RSAD1: variants seen among roughly 807,000 people sequenced by gnomAD.
The protein encoded by RSAD1 is radical S-adenosyl methionine domain containing 1.
In RSAD1, 34 loss-of-function variants were observed where a neutral mutation model predicts 46.2. The observed-to-expected ratio is 0.74, with a 90% confidence interval of 0.56 to 0.98. RSAD1 has a LOEUF of 0.98. Among genes scored for constraint, RSAD1 ranks in the 50% least tolerant of loss-of-function variants. RSAD1 has a pLI of 0.00. For synonymous variants in RSAD1, 260 were observed against 253.5 expected (o/e 1.03, Z -0.24); for missense variants, 635 against 592.3 (o/e 1.07, Z -0.75).
At position 50,485,359 on chromosome 17, in the gene RSAD1, C is replaced by T. The variant is rs2143840045; in HGVS notation, c.*498C>T. On this transcript the variant is annotated 3_prime_UTR_variant, in exon 9 of 9. Coordinates refer to ENST00000258955, the MANE Select transcript of RSAD1 (RefSeq NM_018346.3). ...TAGAGAAGTGAACATTGGAGAAAGC[C>T]AGTAGCAACTGTGAGAAATCAGCAA... The T allele has an allele frequency of 6.5e-6, 1 of 153,222 alleles. No individual in the cohort carries two copies. Among genetic ancestry groups the T allele is most frequent in the African/African-American group, 2.4e-5 (1 of 41,576 alleles). 9.5% of individuals were successfully genotyped at this position (153,222 alleles called of 1,614,324 possible).
At chr17:50,480,277 A>G (rs1051463820) in intron 3 of RSAD1, 193 bp downstream of exon 3, 31 of 618,224 alleles carry the variant, frequency 5.0e-5, no homozygotes, top group Non-Finnish European at 7.5e-5. Flanking sequence ...TTTATGAGAA[A>G]GGGATCAGGT....
rs1343619493 is a variant in RSAD1 at position 50,479,995 on chromosome 17, A to C, written c.385A>C (p.Thr129Pro). ...CCACCTGCCTGCAGACTTGGAAGTC[A>C]CATTGGAGGCTAATCCTACTTCAGC... ...AAHLPADLEV[T>P]LEANPTSAPG... The change falls in exon 3 of 9, where the codon ACA (threonine) becomes CCA (proline). Residue 129 changes from threonine (T) to proline (P), a missense_variant. Physicochemically the swap from Thr to Pro is conservative, Grantham distance 38 (BLOSUM62 -1). Coordinates refer to ENST00000258955, the MANE Select transcript of RSAD1 (RefSeq NM_018346.3). 1.2e-6 allele frequency: 2 copies of C among 1,614,068 alleles called. No individual in the cohort carries two copies. The highest frequency in any genetic ancestry group is 1.3e-5 in the African/African-American group (1 of 74,932).
Position 50,479,757 on chromosome 17 carries a change from G to A in RSAD1, c.264G>A (p.Val88=), listed in dbSNP as rs2033358397. The A allele has an allele frequency of 6.2e-7, 1 of 1,608,574 alleles. No homozygotes were observed. Among genetic ancestry groups the A allele is most frequent in the East Asian group, 2.2e-5 (1 of 44,858 alleles). Residue 88 remains valine (V), a synonymous_variant, in exon 2 of 9, where the codon GTG becomes GTA. Coordinates refer to ENST00000258955, the MANE Select transcript of RSAD1 (RefSeq NM_018346.3). Reference sequence around the variant, plus strand: ...AGACGCTGCTGCGGCTCAGCGGGGTGCAACGGTGGGTAGTGGGGGCTGTAG... The same window carrying A: ...AGACGCTGCTGCGGCTCAGCGGGGTACAACGGTGGGTAGTGGGGGCTGTAG... ...EAQTLLRLSG[V]QRVESVFFGG...
chr17:50,481,574 A>G (rs35090128), intron 3 of RSAD1, among the ~76,000 whole-genome samples: 1,853 of 152,302 alleles, frequency 0.012, 16 homozygotes, highest in South Asian at 0.051. Context: ...GTTCTTTTGG[A>G]CAGTGCTGGT....
intron 2 of RSAD1, 45 bp from the exon 3 acceptor site, chr17:50,479,835 C>G: frequency 6.3e-7 from 1 of 1,593,546 alleles, no homozygotes; most frequent in Non-Finnish European, 8.6e-7. Flanking sequence ...TGCAGGCATC[C>G]CAGAGGGCTC....
At chr17:50,482,838 A>G in intron 5 of RSAD1, 132 bp downstream of exon 5, 10 of 767,872 alleles carry the variant, frequency 1.3e-5, no homozygotes, top group Non-Finnish European at 1.9e-5. Flanking sequence ...ATACCTCCCT[A>G]TAGAACTGTT....
chr17:50,484,256 T>G lies in RSAD1; in HGVS notation c.1108-186T>G, dbSNP rs550143667. On this transcript the variant is annotated intron_variant, in intron 7 of 8. Coordinates refer to ENST00000258955, the MANE Select transcript of RSAD1 (RefSeq NM_018346.3). ...CTTGGCTGGAAGCTGGGTTCCAGTC[T>G]CAGTGGAATAGGAGTGAAGCTGCCC... 71 of 575,636 alleles carry G rather than the reference T, an allele frequency of 1.2e-4. No homozygotes were observed. The East Asian group carries it at 2.0e-3, about 16-fold the overall frequency. The allele number at this position is 575,636 out of a possible 1,614,324, so 35.7% of individuals were successfully genotyped here. A position where few individuals can be genotyped will look rare whatever the true frequency, so the allele number is the denominator to read the frequency against.
intron 3 of RSAD1, 21 bp from the exon 4 acceptor site, chr17:50,482,070 A>C (rs781053671): frequency 2.0e-6 from 3 of 1,519,758 alleles, no homozygotes; most frequent in African/African-American, 1.4e-5. Context: ...TGGTATGCTT[A>C]CACCCACCCT....
At chr17:50,479,483 C>G in intron 1 of RSAD1, 146 bp from the exon 2 acceptor site, 1 of 972,538 alleles carries the variant, frequency 1.0e-6, no homozygotes, top group Non-Finnish European at 1.5e-6. Context: ...GTGCGACCTG[C>G]CTTGGGGAGT....
At position 50,479,666 on chromosome 17, in the gene RSAD1, T is replaced by G. The variant is rs937362107; in HGVS notation, c.173T>G (p.Phe58Cys). 2 of 1,613,808 alleles carry G rather than the reference T, an allele frequency of 1.2e-6. No individual in the cohort carries two copies. Among genetic ancestry groups the G allele is most frequent in the Non-Finnish European group, 1.7e-6 (2 of 1,180,036 alleles). ...YCEKRCSYCN[F>C]NKYIPRRLEE... ...GAGAAGCGCTGCAGTTACTGCAACT[T>G]CAACAAGTACATCCCTCGCCGCCTG... Residue 58 changes from phenylalanine to cysteine, a missense_variant, in exon 2 of 9, where the codon TTC becomes TGC. By Grantham distance (205) the Phe-to-Cys change is radical (BLOSUM62 -2). Coordinates refer to ENST00000258955, the MANE Select transcript of RSAD1 (RefSeq NM_018346.3).
chr17:50,480,057 G>A lies in RSAD1; in HGVS notation c.447G>A (p.Gly149=). The A allele has an allele frequency of 1.2e-6, 2 of 1,614,042 alleles. No individual in the cohort carries two copies. The highest frequency in any genetic ancestry group is 1.7e-6 in the Non-Finnish European group (2 of 1,180,036). The change falls in exon 3 of 9, where the codon GGG becomes GGA. Residue 149 remains glycine (G), a synonymous_variant. Transcript: ENST00000258955. ...GACTGGCAGAGTTCGGGGCAGCAGG[G>A]GTTAACAGGTTGTCTATAGGCCTCC... ...GSRLAEFGAA[G]VNRLSIGLQS... is the part of the protein sequence containing the mutation.
At chr17:50,479,373 T>G (rs537611741) in intron 1 of RSAD1, 1 of 516,870 alleles carries the variant, frequency 1.9e-6, no homozygotes, top group Non-Finnish European at 3.4e-6. Flanking sequence ...CAGAAAGAGC[T>G]TGGGTTGAAT....
chr17:50,482,038 T>C (rs2033384782), intron 3 of RSAD1, 53 bp from the exon 4 acceptor site: 9 of 1,480,168 alleles, frequency 6.1e-6, no homozygotes, highest in Non-Finnish European at 8.1e-6. Flanking sequence ...GGGAGGAGGG[T>C]TCTTGTCTCT....
At position 50,483,713 on chromosome 17, in the gene RSAD1, G is replaced by C. The variant is rs9891176; in HGVS notation, c.1060G>C (p.Glu354Gln). 7.3e-3 allele frequency: 11,749 copies of C among 1,613,102 alleles called. 781 individuals are homozygous for C. The African/African-American group carries it at 0.14, about 19-fold the overall frequency. Reference protein sequence around the residue: ...VPLGRLELLEEVLALGLRTDV... With the variant: ...VPLGRLELLEQVLALGLRTDV... ...TGGTGATTTTTCTTTGAGGCTGGAG[G>C]AAGTTTTGGCCCTGGGGCTACGCAC... Residue 354 changes from glutamate to glutamine, a missense_variant, in exon 7 of 9, where the codon GAA becomes CAA. Coordinates refer to ENST00000258955, the MANE Select transcript of RSAD1 (RefSeq NM_018346.3).
intron 7 of RSAD1, chr17:50,484,089 G>GAGCACTGAAACCTCTCATAGGA (rs1263213695): frequency 2.3e-6 from 1 of 440,964 alleles, no homozygotes; most frequent in Non-Finnish European, 4.0e-6. Context: ...TGTTTTTAGG[G>GAGCACTGAAACCTCTCATAGGA]AGCACTGAAA....
chr17:50,483,796 T>A, intron 7 of RSAD1, 36 bp downstream of exon 7: 1 of 1,581,122 alleles, frequency 6.3e-7, no homozygotes. Context: ...CACTCCCTCC[T>A]AAAGTCTTGC....
At chr17:50,484,385 T>A in intron 7 of RSAD1, 57 bp from the exon 8 acceptor site, 2 of 1,467,144 alleles carry the variant, frequency 1.4e-6, no homozygotes, top group Non-Finnish European at 1.9e-6. Context: ...ATACCCCAAC[T>A]ATGTGGCCCA....
chr17:50,479,496 T>A, intron 1 of RSAD1, 133 bp from the exon 2 acceptor site: 1 of 1,115,934 alleles, frequency 9.0e-7, no homozygotes, highest in Non-Finnish European at 1.3e-6. Context: ...TGGGGAGTTG[T>A]GTGGCTTAGA....
At position 50,481,976 on chromosome 17, in the gene RSAD1, C is replaced by A. The variant is rs1008704681; in HGVS notation, c.475-115C>A. On this transcript the variant is annotated intron_variant, in intron 3 of 8. Coordinates refer to ENST00000258955, the MANE Select transcript of RSAD1 (RefSeq NM_018346.3). ...GCCAGCTTGACCTTCCCCCTCCTGC[C>A]TTCCAGCTGCCTGCCACGTGCTGCG... 54 of 1,295,768 alleles carry A rather than the reference C, an allele frequency of 4.2e-5. No homozygotes were observed. In the African/African-American group the frequency reaches 5.2e-4, roughly 13 times the overall value. 80.3% of individuals were successfully genotyped at this position (1,295,768 alleles called of 1,614,324 possible).
Sources: gnomAD v4.1 joint callset for allele counts (sites outside exome capture counted in the v4.1 genomes callset) on GRCh38, gnomAD v4.1.1 for gene constraint, MANE v1.5 for transcripts, NCBI Gene and HGNC (gene_info 2026-07-23, HGNC 2026-07-21) for gene names.